The following GDPD1 variants were observed in gnomAD, a reference collection of about 807,000 sequenced individuals.
The protein encoded by GDPD1 is lysophospholipase D GDPD1.
GDPD1 carries 28 observed loss-of-function variants against 45.1 expected under a neutral mutation model. The observed-to-expected ratio is 0.62, with a 90% CI of 0.46 to 0.85. The LOEUF (loss-of-function observed/expected upper bound fraction) is 0.85. Among genes scored for constraint, GDPD1 ranks in the 40% least tolerant of loss-of-function variants. The probability of loss-of-function intolerance (pLI) is 0.00; values close to 1 mark genes in which losing one functional copy is unlikely to be tolerated. For synonymous variants in GDPD1, 139 were observed against 131.4 expected (o/e 1.06, Z -0.40); for missense variants, 256 against 364.8 (o/e 0.70, Z 2.43).
chr17:59,249,840 C>G (rs985050178), intron 4 of GDPD1, among the ~76,000 whole-genome samples: 2 of 152,048 alleles, frequency 1.3e-5, no homozygotes, highest in Non-Finnish European at 2.9e-5. Context: ...AATGTCAGCT[C>G]CATTTATATT....
chr17:59,274,665 C>T lies in GDPD1; in HGVS notation c.*892C>T, dbSNP rs1015409497. Among the ~76,000 whole-genome samples the T allele has an allele frequency of 6.6e-6, 1 of 150,682 alleles. No homozygotes were observed. Among genetic ancestry groups the T allele is most frequent in the Non-Finnish European group, 1.5e-5 (1 of 67,680 alleles). Reference sequence around the variant, plus strand: ...GTGGTGGTGGGCACCTTAGTCCCAGCTACTCGGGAGGCTGAGTCAGGAGAA... The same window carrying T: ...GTGGTGGTGGGCACCTTAGTCCCAGTTACTCGGGAGGCTGAGTCAGGAGAA... On this transcript the variant is annotated 3_prime_UTR_variant, in exon 10 of 10. Transcript: ENST00000284116.
chr17:59,252,830 T>C (rs1004251401), intron 4 of GDPD1, among the ~76,000 whole-genome samples: 1 of 151,974 alleles, frequency 6.6e-6, no homozygotes, highest in African/African-American at 2.4e-5. Context: ...TGAAACCCCG[T>C]CTCTACTAAA....
In GDPD1 at chr17:59,224,632, AAAAAAAAC is replaced by A. The variant is rs1383812153; in HGVS notation, c.142+3888_142+3895del. On this transcript the variant is annotated intron_variant, in intron 1 of 9. Coordinates refer to ENST00000284116, the MANE Select transcript of GDPD1 (RefSeq NM_182569.4). Reference sequence around the variant, plus strand: ...AGGGCGAGACTCCATCTCAAAAAAAAAAAAAAACAAAAAACAAAAACAAAAAAAACTAC... The same window carrying A: ...AGGGCGAGACTCCATCTCAAAAAAAAAAAAAACAAAAACAAAAAAAACTAC... 7.4e-5 allele frequency among the ~76,000 whole-genome samples: 11 copies of A among 148,706 alleles called. 1 individual carries two copies. The highest frequency in any genetic ancestry group is 3.9e-4 in the East Asian group (2 of 5,172).
chr17:59,264,581 C>T (rs1321168300), intron 6 of GDPD1, among the ~76,000 whole-genome samples: 1 of 151,976 alleles, frequency 6.6e-6, no homozygotes, highest in Non-Finnish European at 1.5e-5. Context: ...TGTGAGTCAC[C>T]GCACCTGGCT....
chr17:59,247,665 C>T (rs901378445), intron 3 of GDPD1, among the ~76,000 whole-genome samples: 13 of 151,830 alleles, frequency 8.6e-5, no homozygotes, highest in South Asian at 2.1e-4. Flanking sequence ...GTTTCACTCT[C>T]GTCACCCAGG....
At chr17:59,223,461 T>C (rs2047021717) in intron 1 of GDPD1, among the ~76,000 whole-genome samples, 1 of 152,220 alleles carries the variant, frequency 6.6e-6, no homozygotes, top group African/African-American at 2.4e-5. Flanking sequence ...ATACTACGTC[T>C]CTGGAAAATA....
At chr17:59,255,843 A>ACGCG (rs1367409060) in intron 4 of GDPD1, among the ~76,000 whole-genome samples, 1 of 94,118 alleles carries the variant, frequency 1.1e-5, no homozygotes, top group African/African-American at 6.4e-5. Flanking sequence ...ATATATATAT[A>ACGCG]TATATATACA....
chr17:59,252,684 C>T (rs1023118381), intron 4 of GDPD1, among the ~76,000 whole-genome samples: 1 of 151,206 alleles, frequency 6.6e-6, no homozygotes, highest in Non-Finnish European at 1.5e-5. Flanking sequence ...GGCAACAGAG[C>T]GAGACTGTCT....
intron 2 of GDPD1, among the ~76,000 whole-genome samples, chr17:59,237,660 A>C (rs2047143122): frequency 6.6e-6 from 1 of 152,180 alleles, no homozygotes; most frequent in Admixed American, 6.6e-5. Flanking sequence ...AGATGAGGAG[A>C]TATTAATGAC....
At chr17:59,249,130 G>A (rs2047234385) in intron 4 of GDPD1, 2 of 159,546 alleles carry the variant, frequency 1.3e-5, no homozygotes, top group South Asian at 1.8e-4. Flanking sequence ...AGTGGCTCAC[G>A]ACTGTAATCC....
intron 2 of GDPD1, among the ~76,000 whole-genome samples, chr17:59,241,377 G>A (rs572272813): frequency 2.6e-5 from 4 of 152,268 alleles, no homozygotes; most frequent in African/African-American, 4.8e-5. Context: ...GAGTGCAATG[G>A]TGCGATCTTG....
chr17:59,260,987 G>A (rs903354100), intron 6 of GDPD1: 21 of 152,200 alleles, frequency 1.4e-4, no homozygotes, highest in African/African-American at 5.1e-4. Flanking sequence ...TGTTGTGGTT[G>A]TTGTTTTGGA....
chr17:59,266,653 T>C (rs936478115), intron 6 of GDPD1, among the ~76,000 whole-genome samples: 1 of 152,148 alleles, frequency 6.6e-6, no homozygotes, highest in Admixed American at 6.6e-5. Context: ...TATAGAGATA[T>C]ATAGCTACAT....
intron 4 of GDPD1, among the ~76,000 whole-genome samples, chr17:59,251,553 A>G (rs538263456): frequency 3.9e-5 from 6 of 152,280 alleles, no homozygotes; most frequent in African/African-American, 1.4e-4. Flanking sequence ...GGAAAAAAAA[A>G]AGAACAACAC....
chr17:59,248,801 T>C lies in GDPD1; in HGVS notation c.367+16T>C, dbSNP rs2047232188. ...TTTCAAAGAGGTAATATTTTTTGTT[T>C]GTGGCTTAAACATTTGTGTTGAGAA... On this transcript the variant is annotated intron_variant, in intron 4 of 9. Coordinates refer to ENST00000284116, the MANE Select transcript of GDPD1 (RefSeq NM_182569.4). The C allele has an allele frequency of 6.3e-7, 1 of 1,588,042 alleles. No homozygotes were observed. The highest frequency in any genetic ancestry group is 8.6e-7 in the Non-Finnish European group (1 of 1,161,092).
chr17:59,251,317 G>A (rs994421455), intron 4 of GDPD1, among the ~76,000 whole-genome samples: 2 of 152,012 alleles, frequency 1.3e-5, no homozygotes, highest in African/African-American at 4.8e-5. Flanking sequence ...TTAGGAGTTC[G>A]AGACCAGCCT....
At chr17:59,267,002 G>A in intron 6 of GDPD1, 39 bp from the exon 7 acceptor site, 1 of 1,521,060 alleles carries the variant, frequency 6.6e-7, no homozygotes, top group Non-Finnish European at 9.1e-7. Context: ...TATTTGAGCA[G>A]TTGTAAAAAT....
chr17:59,270,771 A>G (rs892590187), intron 7 of GDPD1, among the ~76,000 whole-genome samples, 165 bp from the exon 8 acceptor site: 6 of 152,156 alleles, frequency 3.9e-5, no homozygotes, highest in Non-Finnish European at 8.8e-5. Context: ...GACCAGTGCA[A>G]ACAGAACCCA....
At chr17:59,256,746 G>C (rs926841215) in intron 4 of GDPD1, among the ~76,000 whole-genome samples, 1 of 152,082 alleles carries the variant, frequency 6.6e-6, no homozygotes, top group Non-Finnish European at 1.5e-5. Context: ...TGGGTAAAGG[G>C]TACATGGACC....
Sources: allele counts gnomAD v4.1 joint callset (sites outside exome capture counted in the v4.1 genomes callset), GRCh38; gene constraint gnomAD v4.1.1; transcripts MANE v1.5; gene names NCBI Gene and HGNC (gene_info 2026-07-23, HGNC 2026-07-21).